Variants in ZNF721 observed in about 807,000 individuals in gnomAD.
ZNF721 encodes zinc finger protein 721.
ZNF721 carries 2 observed loss-of-function variants against 2.4 expected under a neutral mutation model. The ratio of observed to expected loss-of-function variants is 0.82; its 90% confidence interval spans 0.34 to 2.58. ZNF721 has a LOEUF of 2.58. Ranked by LOEUF, ZNF721 falls within the 30% of genes most tolerant of loss-of-function variation. The pLI, the probability that ZNF721 is intolerant of heterozygous loss-of-function variation, is 0.11. For synonymous variants in ZNF721, 398 were observed against 381.8 expected (o/e 1.04, Z -0.50); for missense variants, 1,187 against 1,085.5 (o/e 1.09, Z -1.31).
At chr4:497,261 G>A (rs1457921016) in intron 1 of ZNF721, among the ~76,000 whole-genome samples, 2 of 151,808 alleles carry the variant, frequency 1.3e-5, no homozygotes, top group Non-Finnish European at 2.9e-5. Flanking sequence ...ACCCCCCACC[G>A]AAAAACGTTG....
At chr4:465,698 T>C (rs1715225931) in intron 2 of ZNF721, among the ~76,000 whole-genome samples, 2 of 151,652 alleles carry the variant, frequency 1.3e-5, no homozygotes, top group Admixed American at 1.3e-4. Context: ...CCTCCCAAAG[T>C]GCTGGGATTA....
chr4:461,290 T>C (rs1377589446), intron 2 of ZNF721, among the ~76,000 whole-genome samples: 1 of 152,172 alleles, frequency 6.6e-6, no homozygotes, highest in Non-Finnish European at 1.5e-5. Flanking sequence ...CATGAAACAC[T>C]AGTTCAACAT....
In ZNF721 at chr4:442,071, T is replaced by C. The variant is rs180899199; in HGVS notation, c.2396A>G (p.His799Arg). The C allele has an allele frequency of 3.4e-4, 549 of 1,613,968 alleles. 5 individuals are homozygous for C. The African/African-American group carries it at 6.1e-3, about 18-fold the overall frequency. Residue 799 changes from histidine (H) to arginine (R), a missense_variant, in exon 3 of 3, where the codon CAT (histidine) becomes CGT (arginine). His to Arg is a conservative substitution (Grantham distance 29). Transcript: ENST00000511833. ...TTTCTCACCTGTATGAATCCTCTTATGTTTAGCAAAGCTTGAGGATGACGT... is the reference window on the plus strand; with the variant it reads ...TTTCTCACCTGTATGAATCCTCTTACGTTTAGCAAAGCTTGAGGATGACGT... Reference protein sequence around the residue: ...VITSSSSFAKHKRIHTGEKPF... With the variant: ...VITSSSSFAKRKRIHTGEKPF...
chr4:488,615 A>G (rs1715951313), intron 1 of ZNF721, among the ~76,000 whole-genome samples: 1 of 152,140 alleles, frequency 6.6e-6, no homozygotes, highest in Non-Finnish European at 1.5e-5. Context: ...GCGGATCACA[A>G]GGTGAAGAGA....
chr4:463,906 TAATAAAA>T (rs1715154199), intron 2 of ZNF721, among the ~76,000 whole-genome samples: 1 of 151,856 alleles, frequency 6.6e-6, no homozygotes, highest in Admixed American at 6.6e-5. Flanking sequence ...TAGAGCATAA[TAATAAAA>T]AATAAATTGC....
At chr4:461,649 G>C (rs538486577) in intron 2 of ZNF721, among the ~76,000 whole-genome samples, 7 of 152,118 alleles carry the variant, frequency 4.6e-5, no homozygotes, top group African/African-American at 1.4e-4. Flanking sequence ...GAGGTGGGTG[G>C]ATCACTTGAG....
chr4:464,716 T>G (rs782138007), intron 2 of ZNF721, among the ~76,000 whole-genome samples: 3 of 152,130 alleles, frequency 2.0e-5, no homozygotes, highest in Non-Finnish European at 4.4e-5. Flanking sequence ...AGCAGGACCC[T>G]GTCTCTAAAA....
At chr4:451,338 AAAG>A (rs1714654583) in intron 2 of ZNF721, among the ~76,000 whole-genome samples, 2 of 152,216 alleles carry the variant, frequency 1.3e-5, no homozygotes, top group Non-Finnish European at 2.9e-5. Context: ...AGTTATTGAA[AAAG>A]AATAGACAAT....
intron 2 of ZNF721, chr4:453,387 C>A (rs1553865032): frequency 6.6e-6 from 1 of 152,210 alleles, no homozygotes; most frequent in African/African-American, 2.4e-5. Context: ...ATACCTGAAT[C>A]CTGGCACACA....
chr4:479,495 T>G (rs1193933517), intron 1 of ZNF721, among the ~76,000 whole-genome samples: 1 of 152,154 alleles, frequency 6.6e-6, no homozygotes, highest in Non-Finnish European at 1.5e-5. Flanking sequence ...TAAGAAGGTG[T>G]GGAGGCTGGA....
At chr4:472,722 A>T (rs1200483320) in intron 1 of ZNF721, 21 bp from the exon 2 acceptor site, 1 of 1,609,082 alleles carries the variant, frequency 6.2e-7, no homozygotes, top group Non-Finnish European at 8.5e-7. Flanking sequence ...ATATGTATCA[A>T]GTGACAGAGT....
chr4:447,238 C>T (rs1237097593), intron 2 of ZNF721, among the ~76,000 whole-genome samples: 10 of 151,998 alleles, frequency 6.6e-5, no homozygotes, highest in African/African-American at 2.4e-4. Flanking sequence ...AGGAGAATGG[C>T]ATGAACCCAG....
At chr4:465,431 T>G (rs565345338) in intron 2 of ZNF721, among the ~76,000 whole-genome samples, 88 of 129,664 alleles carry the variant, frequency 6.8e-4, no homozygotes, top group Non-Finnish European at 1.1e-3. Context: ...GGCTTTTGTT[T>G]TTTGTTTTTT....
At chr4:447,610 T>A (rs930265671) in intron 2 of ZNF721, among the ~76,000 whole-genome samples, 1 of 152,122 alleles carries the variant, frequency 6.6e-6, no homozygotes, top group Non-Finnish European at 1.5e-5. Flanking sequence ...AATGAAGGGA[T>A]TGATTGCAAA....
chr4:452,091 T>C (rs573504948), intron 2 of ZNF721, among the ~76,000 whole-genome samples: 44 of 152,220 alleles, frequency 2.9e-4, no homozygotes, highest in African/African-American at 1.0e-3. Flanking sequence ...GGAAAAAAAG[T>C]GCTAATCTGA....
At chr4:461,897 A>G (rs1368415729) in intron 2 of ZNF721, among the ~76,000 whole-genome samples, 1 of 152,152 alleles carries the variant, frequency 6.6e-6, no homozygotes, top group Non-Finnish European at 1.5e-5. Flanking sequence ...AGTATTGGAA[A>G]TTCTGGCCAA....
intron 2 of ZNF721, 67 bp from the exon 3 acceptor site, chr4:444,499 T>C: frequency 7.0e-7 from 1 of 1,430,422 alleles, no homozygotes; most frequent in South Asian, 1.4e-5. Flanking sequence ...TTACAAATCA[T>C]AAGATTATAC....
At chr4:477,256 T>G in intron 1 of ZNF721, among the ~76,000 whole-genome samples, 1 of 3,598 alleles carries the variant, frequency 2.8e-4, no homozygotes, top group Non-Finnish European at 1.6e-3. Context: ...GTGAGTTCCT[T>G]TTTTTTTTTT....
In ZNF721 at chr4:443,245, T is replaced by C; in HGVS notation, c.1222A>G (p.Lys408Glu). 6.2e-7 allele frequency: 1 copy of C among 1,614,030 alleles called. No individual in the cohort carries two copies. The highest frequency in any genetic ancestry group is 1.1e-5 in the South Asian group (1 of 91,070). Reference protein sequence around the residue: ...FNSSTNLTAHKRIHTREKPYT... With the variant: ...FNSSTNLTAHERIHTREKPYT... ...GGTTTCTCTCTGGTGTGAATTCTCT[T>C]ATGTGCAGTAAGGTTTGTTGAACTA... The change falls in exon 3 of 3, where the codon AAG becomes GAG. Residue 408 changes from lysine (K) to glutamate (E), a missense_variant. Coordinates refer to ENST00000511833, the MANE Select transcript of ZNF721 (RefSeq NM_133474.4).
Sources: gnomAD v4.1 joint callset for allele counts (sites outside exome capture counted in the v4.1 genomes callset) on GRCh38, gnomAD v4.1.1 for gene constraint, MANE v1.5 for transcripts, NCBI Gene and HGNC (gene_info 2026-07-23, HGNC 2026-07-21) for gene names.